The following CDC73 variants were observed in gnomAD, a reference collection of about 807,000 sequenced individuals.
The protein encoded by CDC73 is cell division cycle 73.
A neutral mutation model predicts 83.7 loss-of-function variants in CDC73; 21 were observed. The observed-to-expected ratio is 0.25, with a 90% CI of 0.18 to 0.36. The LOEUF is 0.36. Ranked by LOEUF, CDC73 falls within the 10% of genes least tolerant of loss-of-function variation. CDC73 has a pLI of 1.00. For missense variants in CDC73, 342 were observed against 653.3 expected, an observed-to-expected ratio of 0.52 and a Z score of 5.19; for synonymous variants, 224 against 212.9, an observed-to-expected ratio of 1.05 and a Z score of -0.45.
chr1:193,251,593 C>T lies in CDC73; in HGVS notation c.*881C>T, dbSNP rs1678043272. 1 of 231,974 alleles carries T rather than the reference C, an allele frequency of 4.3e-6. No individual in the cohort carries two copies. The highest frequency in any genetic ancestry group is 2.2e-5 in the African/African-American group (1 of 45,246). The allele number at this position is 231,974 out of a possible 1,614,324, so 14.4% of individuals were successfully genotyped here. On this transcript the variant is annotated 3_prime_UTR_variant, in exon 17 of 17. Transcript: ENST00000367435. ...AATCTTCTATTTTAGGCTTGTCAGT[C>T]TTGGAGTTCTTATCTTCCATTATCC... is the stretch of plus-strand genomic sequence containing the variant.
intron 14 of CDC73, among the ~76,000 whole-genome samples, chr1:193,234,686 T>A (rs1677727885): frequency 6.6e-6 from 1 of 152,132 alleles, no homozygotes; most frequent in Admixed American, 6.6e-5. Context: ...GCTGATGCTA[T>A]GAGACCCAGT....
chr1:193,236,919 A>G (rs1433539879), intron 15 of CDC73: 1 of 151,860 alleles, frequency 6.6e-6, no homozygotes, highest in East Asian at 1.9e-4. Context: ...TTGCATGTCC[A>G]TAGATTTTGA....
intron 3 of CDC73, 37 bp from the exon 4 acceptor site, chr1:193,135,354 A>C: frequency 1.5e-5 from 22 of 1,504,514 alleles, no homozygotes; most frequent in Non-Finnish European, 2.0e-5. Context: ...TATATGTTGA[A>C]ATAGTAATCC....
intron 3 of CDC73, among the ~76,000 whole-genome samples, chr1:193,131,625 T>C (rs1675694992): frequency 6.6e-6 from 1 of 152,236 alleles, no homozygotes; most frequent in African/African-American, 2.4e-5. Context: ...TGACTCCATC[T>C]TCTACCATTC....
chr1:193,218,369 C>T (rs1413184579), intron 13 of CDC73, among the ~76,000 whole-genome samples: 1 of 152,210 alleles, frequency 6.6e-6, no homozygotes, highest in Admixed American at 6.5e-5. Flanking sequence ...ACTGCTATTC[C>T]TAGCAAACTA....
In CDC73 at chr1:193,252,664, T is replaced by G. The variant is rs1678062906; in HGVS notation, c.*1952T>G. ...AAATCAGACCCTTAGTATAAGCACC[T>G]CTTTTTCTTTTCCTCTTTGACAATT... On this transcript the variant is annotated 3_prime_UTR_variant, in exon 17 of 17. Coordinates refer to ENST00000367435, the MANE Select transcript of CDC73 (RefSeq NM_024529.5). The G allele has an allele frequency of 4.3e-6, 1 of 231,358 alleles. No individual in the cohort carries two copies. Among genetic ancestry groups the G allele is most frequent in the South Asian group, 1.8e-4 (1 of 5,526 alleles). 14.3% of individuals were successfully genotyped at this position (231,358 alleles called of 1,614,324 possible).
chr1:193,224,319 A>G (rs937064980), intron 13 of CDC73, among the ~76,000 whole-genome samples: 5 of 148,036 alleles, frequency 3.4e-5, no homozygotes, highest in African/African-American at 1.3e-4. Flanking sequence ...GTTAGTGTTT[A>G]CTCAATGCCA....
intron 6 of CDC73, 30 bp from the exon 7 acceptor site, chr1:193,141,820 G>A (rs1349288360): frequency 1.4e-6 from 2 of 1,451,646 alleles, no homozygotes; most frequent in Admixed American, 1.7e-5. Flanking sequence ...AATGCCTGCT[G>A]TGAAAATTTA....
At chr1:193,243,453 A>G (rs532839991) in intron 15 of CDC73, among the ~76,000 whole-genome samples, 18 of 152,326 alleles carry the variant, frequency 1.2e-4, no homozygotes, top group South Asian at 4.1e-4. Context: ...AAAGTTGTCT[A>G]TTCTGGTGGA....
intron 3 of CDC73, among the ~76,000 whole-genome samples, chr1:193,133,219 T>C (rs961561177): frequency 6.6e-6 from 1 of 152,038 alleles, no homozygotes; most frequent in African/African-American, 2.4e-5. Context: ...AGGACAGAGT[T>C]AGTCACTAAG....
intron 7 of CDC73, among the ~76,000 whole-genome samples, chr1:193,146,944 A>ATT (rs549666225): frequency 6.6e-5 from 10 of 151,476 alleles, no homozygotes; most frequent in South Asian, 2.1e-4. Context: ...GTAGTTGATT[A>ATT]TTTTTTTTTC....
intron 13 of CDC73, among the ~76,000 whole-genome samples, chr1:193,220,735 A>G (rs1409955647): frequency 6.6e-6 from 1 of 152,200 alleles, no homozygotes; most frequent in African/African-American, 2.4e-5. Context: ...TGGCTTTTAT[A>G]GTAAAGTTTT....
chr1:193,168,174 G>A (rs1676463166), intron 10 of CDC73, among the ~76,000 whole-genome samples: 1 of 151,934 alleles, frequency 6.6e-6, no homozygotes, highest in Non-Finnish European at 1.5e-5. Context: ...TTGTTTTAAT[G>A]TGATGAGTAG....
rs1007563559 is a variant in CDC73 at position 193,176,108 on chromosome 1, T to G, written c.972+23664T>G. On this transcript the variant is annotated intron_variant, in intron 10 of 16. Coordinates refer to ENST00000367435, the MANE Select transcript of CDC73 (RefSeq NM_024529.5). The stretch of plus-strand genomic sequence containing the variant: ...TTAAATGTTAAGCAAATGTGAAACA[T>G]TGGGCTAGTTTTCTTTGTTCATTAA... 3.9e-5 allele frequency among the ~76,000 whole-genome samples: 6 copies of G among 152,196 alleles called. No individual in the cohort carries two copies. In the South Asian group the frequency reaches 8.3e-4, roughly 21 times the overall value.
At chr1:193,214,338 G>A (rs1210555719) in intron 13 of CDC73, among the ~76,000 whole-genome samples, 2 of 152,276 alleles carry the variant, frequency 1.3e-5, no homozygotes, top group Non-Finnish European at 2.9e-5. Context: ...ACCCATTTTA[G>A]TAGGAACTTA....
At position 193,225,727 on chromosome 1, in the gene CDC73, G is replaced by C. The variant is rs1677556210; in HGVS notation, c.1155-7266G>C. Among the ~76,000 whole-genome samples the C allele has an allele frequency of 2.6e-5, 4 of 151,776 alleles. No homozygotes were observed. The South Asian group carries it at 8.3e-4, about 32-fold the overall frequency. On this transcript the variant is annotated intron_variant, in intron 13 of 16. Coordinates refer to ENST00000367435, the MANE Select transcript of CDC73 (RefSeq NM_024529.5). ...CTTCCTTTGAGAATTGTCTTTTCCT[G>C]CCCTTAGCCCACTTTTTCATGGGAT...
intron 5 of CDC73, 61 bp downstream of exon 5, chr1:193,135,650 G>A (rs923317075): frequency 2.2e-6 from 3 of 1,350,882 alleles, no homozygotes; most frequent in African/African-American, 2.9e-5. Flanking sequence ...GGATTCTTTA[G>A]TAACAAGGAT....
intron 10 of CDC73, among the ~76,000 whole-genome samples, chr1:193,159,480 C>T (rs34793300): frequency 0.025 from 3,866 of 152,226 alleles, 80 homozygotes; most frequent in Middle Eastern, 0.037. Flanking sequence ...AGGTGATTCT[C>T]CTGCCTCAGC....
At position 193,181,371 on chromosome 1, in the gene CDC73, G is replaced by A. The variant is rs780411189; in HGVS notation, c.973-22424G>A. 2.1e-5 allele frequency: 34 copies of A among 1,613,932 alleles called. No homozygotes were observed. In the Admixed American group the frequency reaches 3.8e-4, roughly 18 times the overall value. On this transcript the variant is annotated intron_variant, in intron 10 of 16. Transcript: ENST00000367435. ...CACTTTTTGTTGACCGAAATCCTCGGAAAGTGTATGTCACAGGGTTTTCTT... is the reference window on the plus strand; with the variant it reads ...CACTTTTTGTTGACCGAAATCCTCGAAAAGTGTATGTCACAGGGTTTTCTT...
Sources: gnomAD v4.1 joint callset for allele counts (sites outside exome capture counted in the v4.1 genomes callset) on GRCh38, gnomAD v4.1.1 for gene constraint, MANE v1.5 for transcripts, NCBI Gene and HGNC (gene_info 2026-07-23, HGNC 2026-07-21) for gene names.